TG: variants seen among roughly 807,000 people sequenced by gnomAD.
TG encodes the protein thyroglobulin, also known as thyroid hormones.
A neutral mutation model predicts 324.7 loss-of-function variants in TG; 270 were observed. The ratio of observed to expected loss-of-function variants is 0.83; its 90% CI spans 0.75 to 0.92. TG has a LOEUF of 0.92. Ranked by LOEUF, TG falls within the 40% of genes least tolerant of loss-of-function variation. The pLI, the probability that TG is intolerant of heterozygous loss-of-function variation, is 0.00. For missense variants in TG, 3,591 were observed against 3,456.4 expected (o/e 1.04, Z -0.98); for synonymous variants, 1,401 against 1,327.0 (o/e 1.06, Z -1.21).
intron 41 of TG, among the ~76,000 whole-genome samples, chr8:133,067,653 G>A (rs1843214640): frequency 6.6e-6 from 1 of 152,088 alleles, no homozygotes; most frequent in Admixed American, 6.6e-5. Flanking sequence ...GCAGCTTCCT[G>A]TAATCCCAGT....
At position 133,095,085 on chromosome 8, in the gene TG, G is replaced by A. The variant is rs1424659960; in HGVS notation, c.7281G>A (p.Glu2427=). The A allele has an allele frequency of 6.2e-7, 1 of 1,614,196 alleles. No individual in the cohort carries two copies. Among genetic ancestry groups the A allele is most frequent in the Non-Finnish European group, 8.5e-7 (1 of 1,180,044 alleles). ...ALSPAAVISH[E]RAQQQAIALA... is the part of the protein sequence containing the mutation. Reference sequence around the variant, plus strand: ...CCCCGGCCGCCGTCATCAGCCATGAGAGGGCTCAGCAGCAGGCAATTGCTT... The same window carrying A: ...CCCCGGCCGCCGTCATCAGCCATGAAAGGGCTCAGCAGCAGGCAATTGCTT... The change falls in exon 42 of 48, where the codon GAG becomes GAA. Residue 2427 remains glutamate (E), a synonymous_variant. Transcript: ENST00000220616.
At chr8:133,062,483 G>A (rs1208305843) in intron 41 of TG, among the ~76,000 whole-genome samples, 1 of 152,264 alleles carries the variant, frequency 6.6e-6, no homozygotes, top group East Asian at 1.9e-4. Flanking sequence ...CCCGGTGCCG[G>A]GCCCTGGGCT....
chr8:132,971,749 C>T, intron 32 of TG, 45 bp from the exon 33 acceptor site: 1 of 1,395,124 alleles, frequency 7.2e-7, no homozygotes, highest in Non-Finnish European at 1.0e-6. Context: ...GGTCCTGGGT[C>T]ACCAGTGAAA....
chr8:133,125,140 C>T (rs568670537), intron 45 of TG, among the ~76,000 whole-genome samples: 1 of 152,328 alleles, frequency 6.6e-6, no homozygotes, highest in South Asian at 2.1e-4. Flanking sequence ...AGATCCCCTT[C>T]CAGGTCCTAG....
At chr8:132,949,045 T>A (rs1476406291) in intron 27 of TG, 102 bp downstream of exon 27, 25 of 1,018,012 alleles carry the variant, frequency 2.5e-5, no homozygotes, top group Non-Finnish European at 3.6e-5. Context: ...CTGAGGAGCT[T>A]ATACTTCTGA....
At chr8:133,019,770 G>C (rs1835390795) in intron 39 of TG, 75 bp downstream of exon 39, 2 of 1,277,350 alleles carry the variant, frequency 1.6e-6, no homozygotes, top group Admixed American at 1.7e-5. Flanking sequence ...ACTGTGGCCA[G>C]CACAGTTCAG....
intron 22 of TG, among the ~76,000 whole-genome samples, chr8:132,927,146 C>T (rs117417365): frequency 2.0e-5 from 3 of 152,166 alleles, no homozygotes; most frequent in South Asian, 4.1e-4. Flanking sequence ...TGTGTGTGCA[C>T]GTTGTGTGTG....
chr8:132,957,027 A>C (rs975438353), intron 27 of TG, among the ~76,000 whole-genome samples: 3 of 152,128 alleles, frequency 2.0e-5, no homozygotes, highest in African/African-American at 7.2e-5. Context: ...AGGGATGGGA[A>C]TGAGAGATGA....
At position 132,969,459 on chromosome 8, in the gene TG, T is replaced by C. The variant is rs201733754; in HGVS notation, c.5865T>C (p.Val1955=). 4.2e-5 allele frequency: 67 copies of C among 1,603,060 alleles called. No homozygotes were observed. The highest frequency in any genetic ancestry group is 5.3e-5 in the Non-Finnish European group (62 of 1,170,086). ...TATTTTCTTTCTTCCTCTATGAAGT[T>C]ATACTGGAAGATAAAGTGAAGAACT... ...QMPKALFRKK[V]ILEDKVKNFY... Residue 1955 remains valine, a splice_region_variant and synonymous_variant, in exon 32 of 48, where the codon GTT becomes GTC. Transcript: ENST00000220616.
At chr8:132,995,627 AG>A (rs1832800584) in intron 35 of TG, 1 of 635,424 alleles carries the variant, frequency 1.6e-6, no homozygotes, top group Non-Finnish European at 2.0e-6. Flanking sequence ...TGCTCTTAGG[AG>A]ACCCAATTCT....
At position 132,906,782 on chromosome 8, in the gene TG, G is replaced by A. The variant is rs144533975; in HGVS notation, c.3729G>A (p.Gln1243=). ...TISGPTGSAM[Q]QCQLLCRQGS... is the part of the protein sequence containing the mutation. ...CGGGCCCCACAGGCTCTGCCATGCA[G>A]CAGTGCCAATTGCTGTGCCGCCAGG... The change falls in exon 17 of 48, where the codon CAG becomes CAA. Residue 1243 remains glutamine (Q), a synonymous_variant. Transcript: ENST00000220616. 89 of 1,614,214 alleles carry A rather than the reference G, an allele frequency of 5.5e-5. No homozygotes were observed. In the African/African-American group the frequency reaches 8.7e-4, roughly 16 times the overall value.
In TG at chr8:132,966,681, C is replaced by T. The variant is rs1828611728; in HGVS notation, c.5670C>T (p.Asn1890=). Residue 1890 remains asparagine (N), a synonymous_variant, in exon 30 of 48, where the codon AAC becomes AAT. Coordinates refer to ENST00000220616, the MANE Select transcript of TG (RefSeq NM_003235.5). Reference sequence around the variant, plus strand: ...ACCTGTTTTCAGCCCAGCAGGCAAACCTATGGTGCCTTTCTCGTAAGTATC... The same window carrying T: ...ACCTGTTTTCAGCCCAGCAGGCAAATCTATGGTGCCTTTCTCGTAAGTATC... ...FKHLFSAQQA[N]LWCLSRCVQE... The T allele has an allele frequency of 8.1e-6, 13 of 1,614,098 alleles. No homozygotes were observed. Among genetic ancestry groups the T allele is most frequent in the Non-Finnish European group, 1.0e-5 (12 of 1,179,984 alleles).
chr8:132,999,724 G>T (rs1027584064), intron 35 of TG, among the ~76,000 whole-genome samples: 1 of 152,178 alleles, frequency 6.6e-6, no homozygotes, highest in African/African-American at 2.4e-5. Flanking sequence ...GGCTGGTGAG[G>T]CCTACAATAT....
At chr8:132,910,719 A>G (rs1819390286) in intron 18 of TG, among the ~76,000 whole-genome samples, 1 of 152,144 alleles carries the variant, frequency 6.6e-6, no homozygotes, top group East Asian at 1.9e-4. Flanking sequence ...AACTTATGAG[A>G]AAAAAAGTTC....
At chr8:132,994,237 A>G (rs1832659198) in intron 35 of TG, among the ~76,000 whole-genome samples, 1 of 152,190 alleles carries the variant, frequency 6.6e-6, no homozygotes, top group African/African-American at 2.4e-5. Context: ...TTTATTTTCT[A>G]GTGCCATCCT....
At chr8:133,058,153 A>T (rs916715070) in intron 41 of TG, among the ~76,000 whole-genome samples, 4 of 152,230 alleles carry the variant, frequency 2.6e-5, no homozygotes, top group Non-Finnish European at 5.9e-5. Context: ...TTAACACGGC[A>T]TCACTGCACC....
intron 41 of TG, among the ~76,000 whole-genome samples, chr8:133,041,274 C>T (rs879306788): frequency 1.3e-5 from 2 of 152,204 alleles, no homozygotes; most frequent in African/African-American, 2.4e-5. Flanking sequence ...CACTTCCCAT[C>T]GGGTTTATGG....
intron 35 of TG, among the ~76,000 whole-genome samples, chr8:132,987,072 A>G (rs571462603): frequency 2.6e-5 from 4 of 152,240 alleles, no homozygotes; most frequent in Admixed American, 6.5e-5. Flanking sequence ...GAAAAAAAAA[A>G]AGATGGAGCA....
At chr8:132,924,542 G>A (rs1821555359) in intron 22 of TG, among the ~76,000 whole-genome samples, 1 of 152,166 alleles carries the variant, frequency 6.6e-6, no homozygotes, top group South Asian at 2.1e-4. Flanking sequence ...AATACGTATT[G>A]AGCTCTACCC....
Sources: allele counts gnomAD v4.1 joint callset (sites outside exome capture counted in the v4.1 genomes callset), GRCh38; gene constraint gnomAD v4.1.1; transcripts MANE v1.5; gene names NCBI Gene and HGNC (gene_info 2026-07-23, HGNC 2026-07-21).